EP300: variants seen among roughly 807,000 people sequenced by gnomAD.
EP300 encodes the protein EP300 lysine acetyltransferase.
In EP300, 31 loss-of-function variants were observed where a neutral mutation model predicts 264.0. The observed-to-expected ratio is 0.12, with a 90% CI of 0.09 to 0.16. EP300 has a LOEUF of 0.16. Ranked by LOEUF, EP300 falls within the 10% of genes least tolerant of loss-of-function variation. The pLI is 1.00. For missense variants in EP300, 2,766 were observed against 3,052.9 expected (o/e 0.91, Z 2.21); for synonymous variants, 1,340 against 1,045.4 (o/e 1.28, Z -5.44).
Position 41,117,717 on chromosome 22 carries a change from A to C in EP300, c.625A>C (p.Asn209His). Residue 209 changes from asparagine to histidine, a missense_variant, in exon 2 of 31, where the codon AAC becomes CAC. Coordinates refer to ENST00000263253, the MANE Select transcript of EP300 (RefSeq NM_001429.4). ...AGGGCGACAGAATATGCAGTACCCA[A>C]ACCCAGGCATGGGAAGTGCTGGCAA... ...GRGRQNMQYP[N>H]PGMGSAGNLL... is the part of the protein sequence containing the mutation. The C allele has an allele frequency of 6.2e-7, 1 of 1,614,192 alleles. No homozygotes were observed. The highest frequency in any genetic ancestry group is 8.5e-7 in the Non-Finnish European group (1 of 1,180,036).
chr22:41,178,931 C>T lies in EP300; in HGVS notation c.7220C>T (p.Ser2407Leu), dbSNP rs1424813619. Residue 2407 changes from serine to leucine, a missense_variant, in exon 31 of 31, where the codon TCA becomes TTA. Coordinates refer to ENST00000263253, the MANE Select transcript of EP300 (RefSeq NM_001429.4). ...AACTCAGACTTGAATTCAAACCTCT[C>T]ACAGAGTACACTAGACATACACTAG... Reference protein sequence around the residue: ...TDNSDLNSNLSQSTLDIH With the variant: ...TDNSDLNSNLLQSTLDIH 2.5e-6 allele frequency: 4 copies of T among 1,614,130 alleles called. No individual in the cohort carries two copies. The highest frequency in any genetic ancestry group is 1.1e-5 in the South Asian group (1 of 91,074).
intron 1 of EP300, among the ~76,000 whole-genome samples, chr22:41,094,259 G>C (rs970295698): frequency 1.3e-5 from 2 of 152,158 alleles, no homozygotes; most frequent in Admixed American, 1.3e-4. Flanking sequence ...CTGAGAGCAG[G>C]CTCAGCGTCA....
Position 41,126,048 on chromosome 22 carries a change from C to G in EP300, c.906+8C>G, listed in dbSNP as rs2145708148. ...GGAGGAATGCCCAACATGGTGAGTA[C>G]TAATCCATTACAGACTTGTTTTCAA... On this transcript the variant is annotated splice_region_variant and intron_variant, in intron 3 of 30. Coordinates refer to ENST00000263253, the MANE Select transcript of EP300 (RefSeq NM_001429.4). 6.2e-7 allele frequency: 1 copy of G among 1,613,634 alleles called. No homozygotes were observed. The highest frequency in any genetic ancestry group is 8.5e-7 in the Non-Finnish European group (1 of 1,179,598).
chr22:41,096,736 CCCT>C (rs1331241256), intron 1 of EP300, among the ~76,000 whole-genome samples: 1 of 151,398 alleles, frequency 6.6e-6, no homozygotes, highest in Non-Finnish European at 1.5e-5. Flanking sequence ...CTCTGCTTCA[CCCT>C]CCTCAGTAGC....
At position 41,178,941 on chromosome 22, in the gene EP300, A is replaced by C. The variant is rs1399174163; in HGVS notation, c.7230A>C (p.Thr2410=). ...TGAATTCAAACCTCTCACAGAGTAC[A>C]CTAGACATACACTAGAGACACCTTG... ...SDLNSNLSQS[T]LDIH is the part of the protein sequence containing the mutation. The change falls in exon 31 of 31, where the codon ACA becomes ACC. Residue 2410 remains threonine, a synonymous_variant. Transcript: ENST00000263253. 2 of 1,613,756 alleles carry C rather than the reference A, an allele frequency of 1.2e-6. No individual in the cohort carries two copies. The highest frequency in any genetic ancestry group is 2.2e-5 in the East Asian group (1 of 44,886).
intron 16 of EP300, among the ~76,000 whole-genome samples, chr22:41,154,379 T>TC (rs974472010): frequency 7.9e-6 from 1 of 126,900 alleles, no homozygotes; most frequent in African/African-American, 2.9e-5. Context: ...GTGCACTCTT[T>TC]TTTTTTTTTT....
chr22:41,124,695 G>A (rs537095221), intron 2 of EP300, among the ~76,000 whole-genome samples: 1 of 152,172 alleles, frequency 6.6e-6, no homozygotes, highest in East Asian at 1.9e-4. Context: ...ATGACAAAGG[G>A]GTTAGATGGC....
At chr22:41,127,296 A>AT (rs1209139612) in intron 3 of EP300, among the ~76,000 whole-genome samples, 191 bp from the exon 4 acceptor site, 4 of 151,334 alleles carry the variant, frequency 2.6e-5, no homozygotes, top group East Asian at 1.9e-4. Context: ...TCGTAATGTC[A>AT]TTTTTTTTCT....
intron 13 of EP300, 137 bp downstream of exon 13, chr22:41,149,312 G>C (rs1216378018): frequency 1.9e-5 from 19 of 993,476 alleles, no homozygotes; most frequent in Admixed American, 2.1e-5. Flanking sequence ...TTTGGACTTA[G>C]GGTATTCTGA....
At chr22:41,138,891 AT>A (rs1380176348) in intron 8 of EP300, among the ~76,000 whole-genome samples, 1 of 151,338 alleles carries the variant, frequency 6.6e-6, no homozygotes, top group African/African-American at 2.4e-5. Context: ...TCATTTAGGA[AT>A]TTTTTTTTCC....
chr22:41,096,322 A>G (rs1295521539), intron 1 of EP300, among the ~76,000 whole-genome samples: 1 of 152,140 alleles, frequency 6.6e-6, no homozygotes, highest in African/African-American at 2.4e-5. Context: ...TGTCTTCATT[A>G]CTCAGTGAAC....
rs974858729 is a variant in EP300, at chr22:41,103,197, G to A, written c.94+10099G>A. On this transcript the variant is annotated intron_variant, in intron 1 of 30. Transcript: ENST00000263253. ...GGAGCATAGGAAGCATAGTATTTGT[G>A]AAGTGGGTAGGCAGGTGTGATGGGG... Among the ~76,000 whole-genome samples, 7 of 152,296 alleles carry A rather than the reference G, an allele frequency of 4.6e-5. No homozygotes were observed. In the South Asian group the frequency reaches 1.0e-3, roughly 23 times the overall value.
chr22:41,158,298 T>C, intron 18 of EP300, 114 bp from the exon 19 acceptor site: 3 of 783,494 alleles, frequency 3.8e-6, no homozygotes, highest in Non-Finnish European at 6.6e-6. Flanking sequence ...CCCATCATTA[T>C]TAACATAAAT....
chr22:41,178,522 T>C lies in EP300; in HGVS notation c.6811T>C (p.Ser2271Pro), dbSNP rs2059217368. ...QQRLLQQQMG[S>P]PVQPNPMSPQ... ...GCGACTCCTTCAGCAACAGATGGGG[T>C]CCCCTGTTCAGCCCAACCCCATGAG... Residue 2271 changes from serine (S) to proline (P), a missense_variant, in exon 31 of 31, where the codon TCC becomes CCC. Coordinates refer to ENST00000263253, the MANE Select transcript of EP300 (RefSeq NM_001429.4). 6.2e-7 allele frequency: 1 copy of C among 1,613,446 alleles called. No individual in the cohort carries two copies. The highest frequency in any genetic ancestry group is 8.5e-7 in the Non-Finnish European group (1 of 1,179,886).
Position 41,127,494 on chromosome 22 carries a change from A to T in EP300, c.914A>T (p.Gln305Leu). 1 of 1,614,180 alleles carries T rather than the reference A, an allele frequency of 6.2e-7. No homozygotes were observed. Among genetic ancestry groups the T allele is most frequent in the African/African-American group, 1.3e-5 (1 of 75,050 alleles). ...PGGGMPNMGQ[Q>L]PAPQVQQPGL... ...TATTGTTATATCTCTCAGGGTCAAC[A>T]GCCAGCCCCGCAGGTCCAGCAGCCA... The change falls in exon 4 of 31, where the codon CAG becomes CTG. Residue 305 changes from glutamine (Q) to leucine (L), a missense_variant. Physicochemically the swap from Gln to Leu is moderately radical, Grantham distance 113 (BLOSUM62 -2). Coordinates refer to ENST00000263253, the MANE Select transcript of EP300 (RefSeq NM_001429.4).
intron 1 of EP300, among the ~76,000 whole-genome samples, chr22:41,103,928 A>T (rs1240992204): frequency 6.6e-6 from 1 of 150,842 alleles, no homozygotes; most frequent in Non-Finnish European, 1.5e-5. Context: ...TTTTTGGTAC[A>T]TTGTAATTAA....
chr22:41,168,118 G>A (rs964962665), intron 23 of EP300: 10 of 353,802 alleles, frequency 2.8e-5, no homozygotes, highest in East Asian at 1.5e-4. Context: ...TACCGCACCC[G>A]GCCCCTGTTC....
At position 41,119,172 on chromosome 22, in the gene EP300, A is replaced by ATTT. The variant is rs796885809; in HGVS notation, c.729+1353_729+1354insTTT. Among the ~76,000 whole-genome samples the ATTT allele has an allele frequency of 5.0e-3, 541 of 107,134 alleles. 38 individuals are homozygous for ATTT. Among genetic ancestry groups the ATTT allele is most frequent in the African/African-American group, 0.011 (261 of 22,960 alleles). 70.3% of individuals were successfully genotyped at this position (107,134 alleles called of 152,430 possible). ...CACATACCACCATGCCTGGCTTATTATTATTTTTTTTTTTTTTTTTTTTTT... is the reference window on the plus strand; with the variant it reads ...CACATACCACCATGCCTGGCTTATTATTTTTATTTTTTTTTTTTTTTTTTTTTT... On this transcript the variant is annotated intron_variant, in intron 2 of 30. Transcript: ENST00000263253.
intron 9 of EP300, 22 bp downstream of exon 9, chr22:41,140,279 A>G (rs368104247): frequency 6.2e-5 from 91 of 1,470,210 alleles, no homozygotes; most frequent in Middle Eastern, 1.7e-4. Context: ...GTTTTTTTCT[A>G]TTAATAGCCA....
Sources: gnomAD v4.1 joint callset for allele counts (sites outside exome capture counted in the v4.1 genomes callset) on GRCh38, gnomAD v4.1.1 for gene constraint, MANE v1.5 for transcripts, NCBI Gene and HGNC (gene_info 2026-07-23, HGNC 2026-07-21) for gene names.